CHCHD3: variants seen among roughly 807,000 people sequenced by gnomAD.
The protein encoded by CHCHD3 is coiled-coil-helix-coiled-coil-helix domain containing 3.
In CHCHD3, 20 loss-of-function variants were observed where a neutral mutation model predicts 38.2. The observed-to-expected ratio is 0.52, with a 90% confidence interval of 0.37 to 0.76. CHCHD3 has a LOEUF of 0.76. CHCHD3 is among the 30% of genes least tolerant of loss of function. The probability of loss-of-function intolerance (pLI) is 0.00; values close to 1 mark genes in which losing one functional copy is unlikely to be tolerated. For synonymous variants in CHCHD3, 82 were observed against 100.0 expected (o/e 0.82, Z 1.07); for missense variants, 245 against 279.2 (o/e 0.88, Z 0.87).
At chr7:132,920,983 AG>A (rs1396586218) in intron 4 of CHCHD3, among the ~76,000 whole-genome samples, 1 of 152,208 alleles carries the variant, frequency 6.6e-6, no homozygotes. Context: ...TGGCTGGGGA[AG>A]GAGTACAGTA....
intron 5 of CHCHD3, among the ~76,000 whole-genome samples, chr7:132,850,187 G>T (rs567693638): frequency 6.6e-6 from 1 of 152,060 alleles, no homozygotes; most frequent in African/African-American, 2.4e-5. Flanking sequence ...ACAAAGAACA[G>T]GAAGAATTAA....
intron 2 of CHCHD3, among the ~76,000 whole-genome samples, chr7:133,051,344 A>T (rs1394795182): frequency 6.6e-6 from 1 of 152,166 alleles, no homozygotes; most frequent in Non-Finnish European, 1.5e-5. Context: ...AGCATGACAC[A>T]CACACCCTTC....
chr7:133,045,659 G>A (rs186953287), intron 2 of CHCHD3, among the ~76,000 whole-genome samples: 11 of 152,158 alleles, frequency 7.2e-5, no homozygotes, highest in Admixed American at 6.5e-4. Context: ...CCAGGATCTC[G>A]CAACATATGT....
At chr7:133,006,321 C>A (rs1165180558) in intron 3 of CHCHD3, among the ~76,000 whole-genome samples, 1 of 151,892 alleles carries the variant, frequency 6.6e-6, no homozygotes, top group Non-Finnish European at 1.5e-5. Context: ...CAAAAATTAG[C>A]CAGGCATGGT....
intron 4 of CHCHD3, among the ~76,000 whole-genome samples, chr7:132,926,845 T>G (rs201245630): frequency 1.4e-5 from 2 of 147,094 alleles, no homozygotes; most frequent in African/African-American, 2.5e-5. Context: ...TATTGTTGTT[T>G]TTTTTTCCAA....
intron 6 of CHCHD3, chr7:132,813,630 C>A (rs956347606): frequency 2.0e-5 from 3 of 152,128 alleles, no homozygotes; most frequent in African/African-American, 7.2e-5. Context: ...GCAGGTTATT[C>A]TGGGAACCTA....
chr7:132,830,701 T>A (rs937279521), intron 6 of CHCHD3: 1 of 152,110 alleles, frequency 6.6e-6, no homozygotes, highest in Non-Finnish European at 1.5e-5. Flanking sequence ...AGAAATGAAA[T>A]CCTCCTCCAG....
intron 3 of CHCHD3, among the ~76,000 whole-genome samples, chr7:132,996,743 C>T (rs991441132): frequency 6.6e-6 from 1 of 152,108 alleles, no homozygotes; most frequent in Non-Finnish European, 1.5e-5. Flanking sequence ...GGCAGCGGTG[C>T]GATGCTGAGG....
intron 4 of CHCHD3, among the ~76,000 whole-genome samples, chr7:132,971,240 G>A (rs1364428010): frequency 6.6e-6 from 1 of 152,158 alleles, no homozygotes; most frequent in Non-Finnish European, 1.5e-5. Context: ...CTGATCCTAA[G>A]AAGCATATTT....
chr7:132,944,640 A>G (rs1810853036), intron 4 of CHCHD3, among the ~76,000 whole-genome samples: 1 of 151,958 alleles, frequency 6.6e-6, no homozygotes, highest in Non-Finnish European at 1.5e-5. Flanking sequence ...AAATAGTAGT[A>G]AAATATGAGC....
At chr7:132,973,680 A>T (rs1811669597) in intron 4 of CHCHD3, 1 of 1,026,724 alleles carries the variant, frequency 9.7e-7, no homozygotes, top group Non-Finnish European at 1.2e-6. Context: ...GAAGAAACTG[A>T]TTCATTACGC....
intron 5 of CHCHD3, 122 bp downstream of exon 5, chr7:132,885,540 T>C: frequency 1.4e-6 from 1 of 725,886 alleles, no homozygotes. Context: ...CTTTGCTTCT[T>C]CACTTCCTGG....
chr7:132,949,621 G>A (rs1810989971), intron 4 of CHCHD3, among the ~76,000 whole-genome samples: 1 of 152,070 alleles, frequency 6.6e-6, no homozygotes, highest in South Asian at 2.1e-4. Context: ...ATTTTTAAAA[G>A]TAACACACCT....
chr7:132,905,109 G>A (rs1809764434), intron 4 of CHCHD3, among the ~76,000 whole-genome samples: 1 of 145,208 alleles, frequency 6.9e-6, no homozygotes. Flanking sequence ...GGGGTGGGGG[G>A]CAGGGGGAGG....
intron 1 of CHCHD3, among the ~76,000 whole-genome samples, chr7:133,072,614 C>T (rs1206305385): frequency 2.0e-5 from 3 of 151,972 alleles, no homozygotes; most frequent in South Asian, 4.2e-4. Context: ...CCGAGGTGGG[C>T]GGATCACGAG....
intron 5 of CHCHD3, among the ~76,000 whole-genome samples, chr7:132,883,420 C>T (rs752940829): frequency 2.0e-5 from 3 of 152,136 alleles, no homozygotes; most frequent in Middle Eastern, 3.2e-3. Flanking sequence ...CAGGGAAATG[C>T]CAGGTCAGAA....
At chr7:132,851,980 G>A (rs538755008) in intron 5 of CHCHD3, among the ~76,000 whole-genome samples, 1 of 152,302 alleles carries the variant, frequency 6.6e-6, no homozygotes, top group African/African-American at 2.4e-5. Context: ...AGGAGCACGT[G>A]CACACAGAGT....
At chr7:132,893,400 T>TA (rs1809418062) in intron 4 of CHCHD3, among the ~76,000 whole-genome samples, 1 of 152,154 alleles carries the variant, frequency 6.6e-6, no homozygotes, top group African/African-American at 2.4e-5. Flanking sequence ...GGAAGTAACT[T>TA]ACTTACTTTT....
intron 4 of CHCHD3, among the ~76,000 whole-genome samples, chr7:132,956,149 C>A (rs1811160000): frequency 6.6e-6 from 1 of 152,214 alleles, no homozygotes; most frequent in Admixed American, 6.5e-5. Flanking sequence ...CATTCAGACA[C>A]AAGACTGCAA....
Sources: allele counts gnomAD v4.1 joint callset (sites outside exome capture counted in the v4.1 genomes callset), GRCh38; gene constraint gnomAD v4.1.1; transcripts MANE v1.5; gene names NCBI Gene and HGNC (gene_info 2026-07-23, HGNC 2026-07-21).